Variants in HSPG2 observed in about 807,000 individuals in gnomAD.
HSPG2 encodes the protein basement membrane-specific heparan sulfate proteoglycan core protein.
HSPG2 carries 278 observed loss-of-function variants against 526.6 expected under a neutral mutation model. The observed-to-expected ratio is 0.53, with a 90% CI of 0.48 to 0.58. The LOEUF (loss-of-function observed/expected upper bound fraction) is 0.58, where lower values mean the gene tolerates loss of function less well. HSPG2 is among the 20% of genes least tolerant of loss of function. The probability of loss-of-function intolerance (pLI) is 0.00; values close to 1 mark genes in which losing one functional copy is unlikely to be tolerated. For synonymous variants in HSPG2, 2,465 were observed against 2,555.4 expected (o/e 0.96, Z 1.07); for missense variants, 5,354 against 6,099.5 (o/e 0.88, Z 4.07).
rs757857666 is a variant in HSPG2 at position 21,823,617 on chromosome 1, G to A, written c.13002C>T (p.Ile4334=). 1.9e-6 allele frequency: 3 copies of A among 1,613,276 alleles called. No individual in the cohort carries two copies. Among genetic ancestry groups the A allele is most frequent in the Non-Finnish European group, 2.5e-6 (3 of 1,179,438 alleles). Residue 4334 remains isoleucine (I), a splice_region_variant and synonymous_variant, in exon 96 of 97, where the codon ATC becomes ATT. Transcript: ENST00000374695. The part of the protein sequence containing the change: ...VAVNAKGSVY[I]GGAPDVATLT... ...CCTGAGAAGGAGCCCCAGACTTACC[G>A]ATGTAGACGCTGCCCTTGGCGTTGA...
chr1:21,880,171 G>C lies in HSPG2; in HGVS notation c.2279C>G (p.Thr760Ser). ...TRVPGGPYLG[T>S]CSGCNCNGHA... Reference sequence around the variant, plus strand: ...GCCATTGCAATTGCAACCAGAGCAGGTGCCCAGGTAGGGCCCACCAGGCAC... The same window carrying C: ...GCCATTGCAATTGCAACCAGAGCAGCTGCCCAGGTAGGGCCCACCAGGCAC... Residue 760 changes from threonine to serine, a missense_variant, in exon 17 of 97, where the codon ACC becomes AGC. Physicochemically the swap from Thr to Ser is moderately conservative, Grantham distance 58. Transcript: ENST00000374695. 2 of 1,614,102 alleles carry C rather than the reference G, an allele frequency of 1.2e-6. No individual in the cohort carries two copies. The highest frequency in any genetic ancestry group is 2.2e-5 in the South Asian group (2 of 91,084).
chr1:21,831,412 C>T (rs770965854), intron 83 of HSPG2, 51 bp downstream of exon 83: 17 of 1,606,306 alleles, frequency 1.1e-5, no homozygotes, highest in Middle Eastern at 1.6e-4. Context: ...AGGGCTCTTC[C>T]AGCCAGCCAG....
Position 21,847,244 on chromosome 1 carries a change from G to T in HSPG2, c.8164+110C>A. 8.0e-7 allele frequency: 1 copy of T among 1,252,456 alleles called. No homozygotes were observed. The highest frequency in any genetic ancestry group is 1.2e-6 in the Non-Finnish European group (1 of 863,054). 77.6% of individuals were successfully genotyped at this position (1,252,456 alleles called of 1,614,324 possible). The stretch of plus-strand genomic sequence containing the variant: ...AGCCACTGAACCCACGCATCTTTCC[G>T]CTGGCCCTTGCCTGAGTACCACCAG... On this transcript the variant is annotated intron_variant, in intron 62 of 96. Transcript: ENST00000374695. This position sits in a 1 kb window ranked among gnomAD's most constrained non-coding sequence, Gnocchi z 4.1.
At chr1:21,910,636 T>G (rs1438586684) in intron 1 of HSPG2, among the ~76,000 whole-genome samples, 3 of 152,220 alleles carry the variant, frequency 2.0e-5, no homozygotes, top group Non-Finnish European at 4.4e-5. Flanking sequence ...CTGCCCTTTT[T>G]CTAGCACCTG....
In HSPG2 at chr1:21,841,271, A is replaced by T; in HGVS notation, c.9343T>A (p.Ser3115Thr). The change falls in exon 71 of 97, where the codon TCC becomes ACC. Residue 3115 changes from serine to threonine, a missense_variant. Ser to Thr is a moderately conservative substitution (Grantham distance 58, BLOSUM62 1). Transcript: ENST00000374695. ...NLSVHGPPTV[S>T]VLPEGPVWVK... ...CACACGGGGCCCTCGGGGAGCACGG[A>T]CACTGTAGGGGGCCCTGTGCGGAGG... The T allele has an allele frequency of 6.2e-7, 1 of 1,613,744 alleles. No homozygotes were observed. Among genetic ancestry groups the T allele is most frequent in the Non-Finnish European group, 8.5e-7 (1 of 1,180,014 alleles).
Position 21,859,282 on chromosome 1 carries a change from C to A in HSPG2, c.5293+284G>T, listed in dbSNP as rs552296309. Among the ~76,000 whole-genome samples the A allele has an allele frequency of 6.6e-6, 1 of 152,236 alleles. No homozygotes were observed. The highest frequency in any genetic ancestry group is 1.9e-4 in the East Asian group (1 of 5,164). On this transcript the variant is annotated intron_variant, in intron 42 of 96. Transcript: ENST00000374695. This position sits in a 1 kb window ranked among gnomAD's most constrained non-coding sequence, Gnocchi z 5.3. ...CAGGCTGGTCTCGAACTCCTGACCT[C>A]ATGATCTGCCCACCTTGGCCTCCCA...
In HSPG2 at chr1:21,895,365, C is replaced by T. The variant is rs1642671304; in HGVS notation, c.244+557G>A. On this transcript the variant is annotated intron_variant, in intron 3 of 96. Transcript: ENST00000374695. This position sits in a 1 kb window ranked among gnomAD's most constrained non-coding sequence, Gnocchi z 4.1. Reference sequence around the variant, plus strand: ...ACCAGGGTGGGGGCTGACTCTCCTCCCTCCAAGAGCCTAGCCTTGCCTCCC... The same window carrying T: ...ACCAGGGTGGGGGCTGACTCTCCTCTCTCCAAGAGCCTAGCCTTGCCTCCC... Among the ~76,000 whole-genome samples, 2 of 152,150 alleles carry T rather than the reference C, an allele frequency of 1.3e-5. No individual in the cohort carries two copies. Among genetic ancestry groups the T allele is most frequent in the South Asian group, 4.1e-4 (2 of 4,834 alleles).
chr1:21,865,739 G>C lies in HSPG2; in HGVS notation c.4292C>G (p.Ser1431Cys). Reference protein sequence around the residue: ...YTAGPQGSPLSDPDVQITGNN... With the variant: ...YTAGPQGSPLCDPDVQITGNN... Reference sequence around the variant, plus strand: ...CACCGTGATCTGCACATCGGGGTCAGAGAGTGGGCTGCCCTGTGGGCCTGC... The same window carrying C: ...CACCGTGATCTGCACATCGGGGTCACAGAGTGGGCTGCCCTGTGGGCCTGC... Residue 1431 changes from serine (S) to cysteine (C), a missense_variant, in exon 34 of 97, where the codon TCT (serine) becomes TGT (cysteine). Coordinates refer to ENST00000374695, the MANE Select transcript of HSPG2 (RefSeq NM_005529.7). This position sits in a 1 kb window ranked among gnomAD's most constrained non-coding sequence, Gnocchi z 5.4. 6.2e-7 allele frequency: 1 copy of C among 1,613,852 alleles called. No homozygotes were observed. Among genetic ancestry groups the C allele is most frequent in the Non-Finnish European group, 8.5e-7 (1 of 1,179,926 alleles).
intron 1 of HSPG2, chr1:21,908,422 G>C (rs986650191): frequency 4.5e-6 from 4 of 882,162 alleles, no homozygotes; most frequent in South Asian, 1.3e-5. Context: ...CCTGAAACGC[G>C]TGAAGGAGAA....
chr1:21,911,381 T>C (rs1396566677), intron 1 of HSPG2, among the ~76,000 whole-genome samples: 1 of 150,706 alleles, frequency 6.6e-6, no homozygotes, highest in Non-Finnish European at 1.5e-5. Context: ...GGCTGGGAAG[T>C]CACCTCTGGC....
At chr1:21,826,252 T>C (rs1352491478) in intron 91 of HSPG2, among the ~76,000 whole-genome samples, 3 of 151,958 alleles carry the variant, frequency 2.0e-5, no homozygotes, top group African/African-American at 7.3e-5. Flanking sequence ...AAATTTCTTG[T>C]AGAGATGAGG....
intron 1 of HSPG2, among the ~76,000 whole-genome samples, chr1:21,912,790 G>A (rs965786987): frequency 6.6e-6 from 1 of 152,092 alleles, no homozygotes. Flanking sequence ...TACCAGCCTG[G>A]CCAACACGGT....
chr1:21,859,636 A>T lies in HSPG2; in HGVS notation c.5223T>A (p.Ala1741=). The T allele has an allele frequency of 1.9e-6, 3 of 1,607,640 alleles. No homozygotes were observed. Among genetic ancestry groups the T allele is most frequent in the Non-Finnish European group, 2.5e-6 (3 of 1,177,236 alleles). Residue 1741 remains alanine, a synonymous_variant, in exon 42 of 97, where the codon GCT becomes GCA. Transcript: ENST00000374695. This position sits in a 1 kb window ranked among gnomAD's most constrained non-coding sequence, Gnocchi z 5.3. ...LHFPSVQPSD[A]GVYICTCRNL... ...TACGGCAGGTGCAAATGTAGACCCC[A>T]GCATCCGAGGGCTGGACGCTGGGGA...
intron 13 of HSPG2, among the ~76,000 whole-genome samples, chr1:21,882,334 A>G (rs1457155034): frequency 6.6e-6 from 1 of 152,054 alleles, no homozygotes; most frequent in Non-Finnish European, 1.5e-5. Flanking sequence ...GCACATTGAT[A>G]TAAAATGGCT....
intron 44 of HSPG2, among the ~76,000 whole-genome samples, chr1:21,856,760 C>T (rs867366139): frequency 1.2e-4 from 19 of 152,198 alleles, no homozygotes; most frequent in Non-Finnish European, 1.8e-4. Context: ...CCTAGCCTGG[C>T]ACTCATCGCC....
rs1278296607 is a variant in HSPG2, at chr1:21,872,191, C to G, written c.4216G>C (p.Asp1406His). The G allele has an allele frequency of 6.4e-7, 1 of 1,551,754 alleles. No individual in the cohort carries two copies. Residue 1406 changes from aspartate to histidine, a missense_variant, in exon 33 of 97, where the codon GAC becomes CAC. Transcript: ENST00000374695. This position sits in a 1 kb window ranked among gnomAD's most constrained non-coding sequence, Gnocchi z 5.5. ...GGTGCTTGGCTGGGGCCCACCTTGT[C>G]TCCCTGGTATGTCTCCGGCAGCTGC... ...YWQLPETYQG[D>H]KVAAYGGKLR...
At chr1:21,836,676 A>G (rs2098027407) in intron 75 of HSPG2, 126 bp downstream of exon 75, 2 of 804,628 alleles carry the variant, frequency 2.5e-6, no homozygotes, top group Non-Finnish European at 4.1e-6. Context: ...AGGCTCAGAG[A>G]GGTAAAGTGA....
intron 76 of HSPG2, chr1:21,835,284 C>T (rs1412886483): frequency 3.5e-5 from 21 of 598,094 alleles, no homozygotes; most frequent in Admixed American, 5.5e-5. Flanking sequence ...CCACCATGCC[C>T]GGTTCACACT....
At chr1:21,908,041 TCTATAAGTGTTTG>T (rs1643470373) in intron 1 of HSPG2, 1 of 724,634 alleles carries the variant, frequency 1.4e-6, no homozygotes, top group Non-Finnish European at 2.5e-6. Context: ...TGGTGAATGT[TCTATAAGTGTTTG>T]CTGCCTTTCG....
Sources: gnomAD v4.1 joint callset for allele counts (sites outside exome capture counted in the v4.1 genomes callset) on GRCh38, gnomAD v4.1.1 for gene constraint, Gnocchi (gnomAD v3.1) non-coding constraint, MANE v1.5 for transcripts, NCBI Gene and HGNC (gene_info 2026-07-23, HGNC 2026-07-21) for gene names.